The following DENND2C variants were observed in gnomAD, a reference collection of about 807,000 sequenced individuals.
DENND2C encodes the protein DENN domain-containing protein 2C.
A neutral mutation model predicts 112.4 loss-of-function variants in DENND2C; 72 were observed. The observed-to-expected ratio is 0.64, with a 90% CI of 0.53 to 0.78. The LOEUF is 0.78. Ranked by LOEUF, DENND2C falls within the 30% of genes least tolerant of loss-of-function variation. The pLI is 0.00. For synonymous variants in DENND2C, 329 were observed against 381.6 expected (o/e 0.86, Z 1.61); for missense variants, 992 against 1,113.8 (o/e 0.89, Z 1.56).
rs182492188 is a variant in DENND2C at position 114,624,779 on chromosome 1, G to A, written c.806+400C>T. Among the ~76,000 whole-genome samples the A allele has an allele frequency of 7.3e-5, 11 of 151,404 alleles. No individual in the cohort carries two copies. The East Asian group carries it at 1.8e-3, about 24-fold the overall frequency. Reference sequence around the variant, plus strand: ...TGGGACTACAGGTGCACACCACCACGCCCAGCTAATTTTGTATTTTTAGTA... The same window carrying A: ...TGGGACTACAGGTGCACACCACCACACCCAGCTAATTTTGTATTTTTAGTA... On this transcript the variant is annotated intron_variant, in intron 4 of 20. Coordinates refer to ENST00000393274, the MANE Select transcript of DENND2C (RefSeq NM_001256404.2).
In DENND2C at chr1:114,594,525, C is replaced by A; in HGVS notation, c.2379G>T (p.Gln793His). The change falls in exon 18 of 21, where the codon CAG becomes CAT. Residue 793 changes from glutamine to histidine, a missense_variant. Gln to His is a conservative substitution (Grantham distance 24, BLOSUM62 0). Around this residue, in one of 3 missense-constraint regions of DENND2C, gnomAD observed 516 missense variants for 623.6 expected, o/e 0.83. Transcript: ENST00000393274. ...AGATTTCATTTCGTTCTTCCAAAATCTGCATCAGGGCAGCTTGAAGTTTTG... is the reference window on the plus strand; with the variant it reads ...AGATTTCATTTCGTTCTTCCAAAATATGCATCAGGGCAGCTTGAAGTTTTG... Reference protein sequence around the residue: ...LPPKLQAALMQILEERNEILT... With the variant: ...LPPKLQAALMHILEERNEILT... 6.2e-7 allele frequency: 1 copy of A among 1,613,992 alleles called. No individual in the cohort carries two copies. The highest frequency in any genetic ancestry group is 8.5e-7 in the Non-Finnish European group (1 of 1,180,002).
intron 1 of DENND2C, among the ~76,000 whole-genome samples, chr1:114,655,487 T>G (rs1657281617): frequency 1.3e-5 from 2 of 152,112 alleles, no homozygotes; most frequent in South Asian, 4.1e-4. Context: ...ATAAAAAATT[T>G]TTTTGTTGTT....
rs569236623 is a variant in DENND2C, at chr1:114,595,193, G to A, written c.2326-615C>T. 2.6e-5 allele frequency among the ~76,000 whole-genome samples: 4 copies of A among 152,266 alleles called. No homozygotes were observed. The South Asian group carries it at 8.3e-4, about 32-fold the overall frequency. The stretch of plus-strand genomic sequence containing the variant: ...CTAACAGAATATCTAGAAATAATCA[G>A]TGCTTGGCCGGGCATGGTGGCTCAC... On this transcript the variant is annotated intron_variant, in intron 17 of 20. Coordinates refer to ENST00000393274, the MANE Select transcript of DENND2C (RefSeq NM_001256404.2).
chr1:114,618,234 C>T (rs757035962), intron 8 of DENND2C, 152 bp downstream of exon 8: 6 of 340,772 alleles, frequency 1.8e-5, no homozygotes, highest in African/African-American at 2.2e-5. Flanking sequence ...GTGATCCACC[C>T]GCCTTGGCCT....
chr1:114,616,584 G>A (rs544760824), intron 8 of DENND2C, among the ~76,000 whole-genome samples: 7 of 152,164 alleles, frequency 4.6e-5, no homozygotes, highest in Non-Finnish European at 8.8e-5. Flanking sequence ...GCTGGGCATG[G>A]TGGCTCATGT....
chr1:114,608,896 T>C (rs1570768491), intron 9 of DENND2C, 23 bp from the exon 10 acceptor site: 4 of 1,613,230 alleles, frequency 2.5e-6, no homozygotes, highest in Non-Finnish European at 3.4e-6. Context: ...CATGGAGAAA[T>C]GTTTTTTTCT....
In DENND2C at chr1:114,585,497, A is replaced by T; in HGVS notation, c.*103T>A. Reference sequence around the variant, plus strand: ...CTGACTCGCTCTTTAACCTTTTAAAATTTCAAGAATTTTGTAGAATACTTC... The same window carrying T: ...CTGACTCGCTCTTTAACCTTTTAAATTTTCAAGAATTTTGTAGAATACTTC... On this transcript the variant is annotated 3_prime_UTR_variant, in exon 21 of 21. Coordinates refer to ENST00000393274, the MANE Select transcript of DENND2C (RefSeq NM_001256404.2). 4 of 1,326,570 alleles carry T rather than the reference A, an allele frequency of 3.0e-6. No individual in the cohort carries two copies. In the East Asian group the frequency reaches 9.2e-5, roughly 31 times the overall value. The allele number at this position is 1,326,570 out of a possible 1,614,324, so 82.2% of individuals were successfully genotyped here. A position where few individuals can be genotyped will look rare whatever the true frequency, so the allele number is the denominator to read the frequency against.
chr1:114,613,758 A>G (rs1655885355), intron 8 of DENND2C, among the ~76,000 whole-genome samples: 1 of 152,210 alleles, frequency 6.6e-6, no homozygotes, highest in Admixed American at 6.5e-5. Flanking sequence ...TGTGTATTCT[A>G]AGACAATGAA....
chr1:114,600,567 C>T lies in DENND2C; in HGVS notation c.1957-215G>A, dbSNP rs116716725. Among the ~76,000 whole-genome samples the T allele has an allele frequency of 7.4e-3, 1,127 of 152,166 alleles. 8 individuals are homozygous for T. Among genetic ancestry groups the T allele is most frequent in the South Asian group, 0.027 (128 of 4,820 alleles). The stretch of plus-strand genomic sequence containing the variant: ...TCCTTCTGACAATAGTATATACAGT[C>T]TTCATTTATCACATGAAATTGTCAT... On this transcript the variant is annotated intron_variant, in intron 14 of 20. Coordinates refer to ENST00000393274, the MANE Select transcript of DENND2C (RefSeq NM_001256404.2).
chr1:114,615,502 C>T (rs912596228), intron 8 of DENND2C, among the ~76,000 whole-genome samples: 9 of 152,118 alleles, frequency 5.9e-5, no homozygotes, highest in South Asian at 2.1e-4. Flanking sequence ...TGTTGTCATA[C>T]GTTATACATG....
intron 8 of DENND2C, among the ~76,000 whole-genome samples, chr1:114,615,481 C>A (rs538360186): frequency 1.3e-5 from 2 of 152,196 alleles, no homozygotes; most frequent in African/African-American, 4.8e-5. Context: ...ATAATAGTCC[C>A]TACCTCCTAG....
chr1:114,602,326 AC>A, intron 11 of DENND2C, 132 bp from the exon 12 acceptor site: 1 of 807,092 alleles, frequency 1.2e-6, no homozygotes, highest in Non-Finnish European at 1.9e-6. Flanking sequence ...ACAACCACTT[AC>A]GGCATTCTCC....
At chr1:114,587,305 G>A (rs557580883) in intron 20 of DENND2C, 82 bp downstream of exon 20, 186 of 1,491,222 alleles carry the variant, frequency 1.2e-4, no homozygotes, top group African/African-American at 3.7e-4. Flanking sequence ...ACTTGACCTC[G>A]CAAAGTGCTG....
At chr1:114,645,932 CTT>C (rs1000648499) in intron 2 of DENND2C, among the ~76,000 whole-genome samples, 4 of 145,550 alleles carry the variant, frequency 2.7e-5, no homozygotes, top group Admixed American at 6.9e-5. Context: ...ATTTCTCATT[CTT>C]TTTTTTTTTT....
intron 3 of DENND2C, among the ~76,000 whole-genome samples, chr1:114,634,095 A>C (rs1267061892): frequency 1.3e-5 from 2 of 152,246 alleles, no homozygotes; most frequent in Non-Finnish European, 2.9e-5. Flanking sequence ...CCTAATGTTC[A>C]TGCACCTAAT....
chr1:114,605,552 G>C (rs1031829683), intron 10 of DENND2C, among the ~76,000 whole-genome samples: 3 of 152,190 alleles, frequency 2.0e-5, no homozygotes, highest in Non-Finnish European at 4.4e-5. Context: ...AGCACTTTGG[G>C]AGCCCAAGGT....
At chr1:114,631,230 GCT>G (rs1186084082) in intron 3 of DENND2C, among the ~76,000 whole-genome samples, 4 of 151,508 alleles carry the variant, frequency 2.6e-5, no homozygotes, top group African/African-American at 9.7e-5. Flanking sequence ...ACAAAAATCA[GCT>G]GAATGTGGTG....
At chr1:114,592,465 C>G (rs923894406) in intron 18 of DENND2C, among the ~76,000 whole-genome samples, 2 of 152,134 alleles carry the variant, frequency 1.3e-5, no homozygotes, top group African/African-American at 4.8e-5. Context: ...CCCATGTAAT[C>G]CCACGGCTTT....
intron 12 of DENND2C, 121 bp downstream of exon 12, chr1:114,602,004 C>T (rs1391277556): frequency 1.1e-6 from 1 of 921,590 alleles, no homozygotes; most frequent in Non-Finnish European, 1.7e-6. Flanking sequence ...AATACAGCTT[C>T]CTTAATACAC....
Sources: gnomAD v4.1 joint callset for allele counts (sites outside exome capture counted in the v4.1 genomes callset) on GRCh38, gnomAD v4.1.1 for gene constraint, gnomAD v4.1.1 regional missense constraint, MANE v1.5 for transcripts, NCBI Gene and HGNC (gene_info 2026-07-23, HGNC 2026-07-21) for gene names.